TMEM120A: variants seen among roughly 807,000 people sequenced by gnomAD.
The protein encoded by TMEM120A is transmembrane protein 120A.
Under a neutral mutation model 54.3 loss-of-function variants are expected in TMEM120A, and 45 were observed. The observed-to-expected ratio is 0.83, with a 90% CI of 0.65 to 1.06. The LOEUF (loss-of-function observed/expected upper bound fraction) is 1.06, where lower values mean the gene tolerates loss of function less well. Among genes scored for constraint, TMEM120A ranks in the 50% least tolerant of loss-of-function variants. TMEM120A has a pLI of 0.00. For synonymous variants in TMEM120A, 204 were observed against 178.5 expected, an observed-to-expected ratio of 1.14 and a Z score of -1.14; for missense variants, 424 against 441.7, an observed-to-expected ratio of 0.96 and a Z score of 0.36.
At chr7:75,987,878 C>G in intron 8 of TMEM120A, 45 bp downstream of exon 8, 1 of 1,598,296 alleles carries the variant, frequency 6.3e-7, no homozygotes, top group Non-Finnish European at 8.5e-7. Flanking sequence ...CTGCCCCCCA[C>G]CACGGGTGCC....
rs374489610 is a variant in TMEM120A, at chr7:75,994,531, G to T, written c.40C>A (p.Arg14=). 438 of 1,562,904 alleles carry T rather than the reference G, an allele frequency of 2.8e-4. 3 individuals carry two copies. The African/African-American group carries it at 5.4e-3, about 19-fold the overall frequency. ...TCCTGCTGTAGATCCTCCCAGTCCC[G>T]CAGGCAGTCGCCCAGCGGGCCCGGG... is the stretch of plus-strand genomic sequence containing the variant. ...PPPGPLGDCL[R]DWEDLQQDFQ... is the part of the protein sequence containing the mutation. Residue 14 remains arginine (R), a synonymous_variant, in exon 1 of 12, where the codon CGG becomes AGG. Coordinates refer to ENST00000493111, the MANE Select transcript of TMEM120A (RefSeq NM_031925.3).
rs556492652 is a variant in TMEM120A, at chr7:75,988,293, G to A, written c.522C>T (p.Thr174=). Residue 174 remains threonine, a synonymous_variant, in exon 6 of 12, where the codon ACC becomes ACT. Coordinates refer to ENST00000493111, the MANE Select transcript of TMEM120A (RefSeq NM_031925.3). The stretch of plus-strand genomic sequence containing the variant: ...TGAGGATGCTCTCCCGGATGGTCAG[G>A]GTGCAGTAGTACCAGACCAGCAGGA... ...FNFLLVWYYC[T]LTIRESILIN... is the part of the protein sequence containing the mutation. The A allele has an allele frequency of 6.8e-6, 11 of 1,612,230 alleles. No homozygotes were observed. In the African/African-American group the frequency reaches 9.3e-5, roughly 14 times the overall value.
At chr7:75,992,373 G>A (rs931371956) in intron 2 of TMEM120A, 66 bp downstream of exon 2, 40 of 1,560,226 alleles carry the variant, frequency 2.6e-5, no homozygotes, top group Non-Finnish European at 3.3e-5. Context: ...CGGTGCCCAG[G>A]GTCTCACAGC....
chr7:75,994,501 G>C lies in TMEM120A; in HGVS notation c.70C>G (p.Gln24Glu), dbSNP rs1554562749. ...RDWEDLQQDF[Q>E]NIQETHRLYR... Reference sequence around the variant, plus strand: ...GCAGCGGCGCTAACCTGGATGTTCTGGAAGTCCTGCTGTAGATCCTCCCAG... The same window carrying C: ...GCAGCGGCGCTAACCTGGATGTTCTCGAAGTCCTGCTGTAGATCCTCCCAG... The change falls in exon 1 of 12, where the codon CAG (glutamine) becomes GAG (glutamate). Residue 24 changes from glutamine (Q) to glutamate (E), a missense_variant. Coordinates refer to ENST00000493111, the MANE Select transcript of TMEM120A (RefSeq NM_031925.3). The C allele has an allele frequency of 6.4e-7, 1 of 1,567,140 alleles. No individual in the cohort carries two copies. Among genetic ancestry groups the C allele is most frequent in the East Asian group, 2.4e-5 (1 of 41,760 alleles).
intron 1 of TMEM120A, 52 bp from the exon 2 acceptor site, chr7:75,992,609 A>G (rs1789893054): frequency 1.4e-6 from 2 of 1,387,550 alleles, no homozygotes; most frequent in South Asian, 1.2e-5. Context: ...ACTGAGCCAG[A>G]GCCTGCAGGC....
Position 75,988,497 on chromosome 7 carries a change from A to G in TMEM120A, c.397T>C (p.Tyr133His). The G allele has an allele frequency of 6.2e-7, 1 of 1,602,344 alleles. No homozygotes were observed. Among genetic ancestry groups the G allele is most frequent in the Non-Finnish European group, 8.5e-7 (1 of 1,177,164 alleles). Residue 133 changes from tyrosine to histidine, a missense_variant, in exon 5 of 12, where the codon TAT (tyrosine) becomes CAT (histidine). Physicochemically the swap from Tyr to His is moderately conservative, Grantham distance 83 (BLOSUM62 2). Transcript: ENST00000493111. ...KQAKFAYKDE[Y>H]EKFKLYLTII... ...GTGAGGTAGAGCTTGAACTTCTCAT[A>G]CTCGTCCTTGTAGGCAAACCTGGGG... is the stretch of plus-strand genomic sequence containing the variant.
At chr7:75,990,237 C>G (rs1319568535) in intron 3 of TMEM120A, among the ~76,000 whole-genome samples, 1 of 152,164 alleles carries the variant, frequency 6.6e-6, no homozygotes, top group African/African-American at 2.4e-5. Context: ...ACCCTCTACC[C>G]TGTCTCCTCC....
chr7:75,987,486 C>T (rs914361300), intron 10 of TMEM120A, 52 bp downstream of exon 10: 75 of 1,506,518 alleles, frequency 5.0e-5, no homozygotes, highest in Non-Finnish European at 5.6e-5. Flanking sequence ...AGCCCGAAAC[C>T]GGCGCAGAGG....
chr7:75,993,055 G>A (rs1388069885), intron 1 of TMEM120A, among the ~76,000 whole-genome samples: 1 of 152,168 alleles, frequency 6.6e-6, no homozygotes, highest in East Asian at 1.9e-4. Flanking sequence ...GCCTGCCTCG[G>A]CCTCCCAAAG....
Position 75,988,478 on chromosome 7 carries a change from T to G in TMEM120A, c.416A>C (p.Tyr139Ser), listed in dbSNP as rs1016885882. ...GATGAGGATGAGGATGATGGTGAGG[T>G]AGAGCTTGAACTTCTCATACTCGTC... is the stretch of plus-strand genomic sequence containing the variant. ...YKDEYEKFKL[Y>S]LTIILILISF... Residue 139 changes from tyrosine to serine, a missense_variant, in exon 5 of 12, where the codon TAC (tyrosine) becomes TCC (serine). Transcript: ENST00000493111. The G allele has an allele frequency of 1.2e-6, 2 of 1,609,274 alleles. No homozygotes were observed. Among genetic ancestry groups the G allele is most frequent in the Non-Finnish European group, 1.7e-6 (2 of 1,179,136 alleles).
rs554834364 is a variant in TMEM120A, at chr7:75,993,877, G to A, written c.81+613C>T. Among the ~76,000 whole-genome samples, 8 of 152,208 alleles carry A rather than the reference G, an allele frequency of 5.3e-5. No individual in the cohort carries two copies. The East Asian group carries it at 1.5e-3, about 29-fold the overall frequency. Reference sequence around the variant, plus strand: ...GAGCTCAGTCCAGACAATTCCTCCCGTAGCTTTCCACTGGCCTCGGAGGGA... The same window carrying A: ...GAGCTCAGTCCAGACAATTCCTCCCATAGCTTTCCACTGGCCTCGGAGGGA... On this transcript the variant is annotated intron_variant, in intron 1 of 11. Coordinates refer to ENST00000493111, the MANE Select transcript of TMEM120A (RefSeq NM_031925.3).
intron 3 of TMEM120A, among the ~76,000 whole-genome samples, chr7:75,989,427 G>A (rs1276401579): frequency 1.3e-5 from 2 of 151,400 alleles, no homozygotes; most frequent in East Asian, 3.9e-4. Context: ...CGCCTGCTCC[G>A]GAATCCTGAC....
In TMEM120A at chr7:75,986,907, A is replaced by ACTAACTCAGACCCCAGGAACCCATGTGGT. The variant is rs1554559702; in HGVS notation, c.*236_*264dup. ...TGGGACCTCCACCTGCATCAACTTA[A>ACTAACTCAGACCCCAGGAACCCATGTGGT]CTAACTCAGACCCCAGGAACCCATG... is the stretch of plus-strand genomic sequence containing the variant. On this transcript the variant is annotated 3_prime_UTR_variant, in exon 12 of 12. Transcript: ENST00000493111. 1 of 589,374 alleles carries ACTAACTCAGACCCCAGGAACCCATGTGGT rather than the reference A, an allele frequency of 1.7e-6. No homozygotes were observed. Among genetic ancestry groups the ACTAACTCAGACCCCAGGAACCCATGTGGT allele is most frequent in the Non-Finnish European group, 3.0e-6 (1 of 333,446 alleles). The allele number at this position is 589,374 out of a possible 1,614,324, so 36.5% of individuals were successfully genotyped here.
In TMEM120A at chr7:75,987,447, T is replaced by C. The variant is rs552978480; in HGVS notation, c.850-19A>G. ...GCCAGAACTAAGCAGGGAGGAGGCA[T>C]TTTACTCAGAAGACCCAGTCCCTGC... On this transcript the variant is annotated intron_variant, in intron 10 of 11. Coordinates refer to ENST00000493111, the MANE Select transcript of TMEM120A (RefSeq NM_031925.3). 6.4e-6 allele frequency: 10 copies of C among 1,559,114 alleles called. No individual in the cohort carries two copies. The highest frequency in any genetic ancestry group is 8.7e-6 in the Non-Finnish European group (10 of 1,151,464).
At chr7:75,994,208 T>C (rs1554562586) in intron 1 of TMEM120A, among the ~76,000 whole-genome samples, 1 of 152,084 alleles carries the variant, frequency 6.6e-6, no homozygotes, top group Non-Finnish European at 1.5e-5. Flanking sequence ...AGGCGGCCGC[T>C]CTCTTCTGGG....
intron 4 of TMEM120A, 59 bp downstream of exon 4, chr7:75,989,106 G>GGGGAGGGGGGGA: frequency 9.1e-6 from 4 of 438,300 alleles, no homozygotes; most frequent in South Asian, 9.0e-5. Context: ...GGGGGGAGGG[G>GGGGAGGGGGGGA]GGTAGGGGGC....
rs1004365572 is a variant in TMEM120A at position 75,987,538 on chromosome 7, G to A, written c.849C>T (p.His283=). 6.3e-6 allele frequency: 10 copies of A among 1,591,400 alleles called. No individual in the cohort carries two copies. Among genetic ancestry groups the A allele is most frequent in the African/African-American group, 1.3e-5 (1 of 74,306 alleles). The change falls in exon 10 of 12, where the codon CAC becomes CAT. Residue 283 remains histidine, a splice_region_variant and synonymous_variant. Coordinates refer to ENST00000493111, the MANE Select transcript of TMEM120A (RefSeq NM_031925.3). ...GCAGGGACACAGAGGCACGACTTAC[G>A]TGTCCAAAGAAAAGAAAAGGCAGCA... ...TFLLPFLFFG[H]FWQLFNALTL... is the part of the protein sequence containing the mutation.
intron 3 of TMEM120A, among the ~76,000 whole-genome samples, chr7:75,990,625 C>A (rs1554561652): frequency 6.6e-6 from 1 of 152,150 alleles, no homozygotes; most frequent in African/African-American, 2.4e-5. Flanking sequence ...GTGGCTCACA[C>A]CTGTAATCCC....
At chr7:75,988,559 G>A (rs1789658307) in intron 4 of TMEM120A, 43 bp from the exon 5 acceptor site, 4 of 1,403,638 alleles carry the variant, frequency 2.8e-6, no homozygotes, top group Non-Finnish European at 4.0e-6. Flanking sequence ...TGCTGGTGGG[G>A]CCCATGTGTG....
Sources: gnomAD v4.1 joint callset for allele counts (sites outside exome capture counted in the v4.1 genomes callset) on GRCh38, gnomAD v4.1.1 for gene constraint, MANE v1.5 for transcripts, NCBI Gene and HGNC (gene_info 2026-07-23, HGNC 2026-07-21) for gene names.